RCSD1: variants seen among roughly 807,000 people sequenced by gnomAD.
RCSD1 encodes RCSD domain containing 1.
RCSD1 carries 26 observed loss-of-function variants against 42.5 expected under a neutral mutation model. The observed-to-expected ratio is 0.61, with a 90% CI of 0.45 to 0.85. RCSD1 has a LOEUF of 0.85. Ranked by LOEUF, RCSD1 falls within the 40% of genes least tolerant of loss-of-function variation. RCSD1 has a pLI of 0.00. For missense variants in RCSD1, 571 were observed against 528.3 expected, an observed-to-expected ratio of 1.08 and a Z score of -0.79; for synonymous variants, 220 against 212.2, an observed-to-expected ratio of 1.04 and a Z score of -0.32.
At chr1:167,694,827 A>G (rs796399796) in intron 5 of RCSD1, among the ~76,000 whole-genome samples, 53 of 152,274 alleles carry the variant, frequency 3.5e-4, no homozygotes, top group African/African-American at 1.2e-3. Flanking sequence ...CAAAAATGAC[A>G]TGGCAGGGTG....
At chr1:167,674,271 G>A (rs1016849763) in intron 1 of RCSD1, among the ~76,000 whole-genome samples, 3 of 152,238 alleles carry the variant, frequency 2.0e-5, no homozygotes, top group Non-Finnish European at 2.9e-5. Context: ...TGGGTTGGAA[G>A]AGACTGCTCA....
At chr1:167,685,989 T>C (rs920760731) in intron 3 of RCSD1, among the ~76,000 whole-genome samples, 10 of 152,292 alleles carry the variant, frequency 6.6e-5, no homozygotes, top group African/African-American at 2.4e-4. Flanking sequence ...TCAAGATCAC[T>C]GGAAGAAAAC....
At chr1:167,656,811 T>C (rs1311702632) in intron 1 of RCSD1, among the ~76,000 whole-genome samples, 1 of 152,162 alleles carries the variant, frequency 6.6e-6, no homozygotes, top group African/African-American at 2.4e-5. Context: ...GTCTTGCACA[T>C]TGGGAAGCTC....
intron 4 of RCSD1, among the ~76,000 whole-genome samples, chr1:167,691,194 C>T (rs974145243): frequency 6.6e-6 from 1 of 152,218 alleles, no homozygotes; most frequent in East Asian, 1.9e-4. Flanking sequence ...CAGTAGCACT[C>T]TCCAACAAGT....
intron 4 of RCSD1, 99 bp from the exon 5 acceptor site, chr1:167,693,990 GGTGTTACCTA>G: frequency 1.0e-6 from 1 of 970,602 alleles, no homozygotes; most frequent in Non-Finnish European, 1.6e-6. Flanking sequence ...TGAAAAGCCT[GGTGTTACCTA>G]GTCTCAACCA....
At chr1:167,682,086 G>A (rs1162030916) in intron 1 of RCSD1, among the ~76,000 whole-genome samples, 1 of 152,160 alleles carries the variant, frequency 6.6e-6, no homozygotes, top group Non-Finnish European at 1.5e-5. Context: ...CACAGTAAAG[G>A]GGTACCTGTC....
intron 6 of RCSD1, among the ~76,000 whole-genome samples, chr1:167,701,497 G>C (rs1396550755): frequency 6.6e-6 from 1 of 151,988 alleles, no homozygotes. Flanking sequence ...GTAGAGACAA[G>C]GTTTCACCAT....
chr1:167,667,907 T>TG (rs1658698228), intron 1 of RCSD1, among the ~76,000 whole-genome samples: 1 of 152,182 alleles, frequency 6.6e-6, no homozygotes, highest in Non-Finnish European at 1.5e-5. Flanking sequence ...GTACCTACTA[T>TG]GGGCTAGGGG....
chr1:167,672,434 A>G (rs986591763), intron 1 of RCSD1, among the ~76,000 whole-genome samples: 1 of 152,174 alleles, frequency 6.6e-6, no homozygotes, highest in Non-Finnish European at 1.5e-5. Context: ...ACTAAAATCA[A>G]GTTTTTGGCA....
intron 1 of RCSD1, among the ~76,000 whole-genome samples, chr1:167,672,738 T>A (rs149223667): frequency 6.6e-5 from 10 of 152,342 alleles, no homozygotes; most frequent in Non-Finnish European, 1.3e-4. Context: ...TAATCTAACA[T>A]ATTCACAGGT....
At chr1:167,644,403 C>T (rs1658079481) in intron 1 of RCSD1, among the ~76,000 whole-genome samples, 1 of 152,058 alleles carries the variant, frequency 6.6e-6, no homozygotes, top group South Asian at 2.1e-4. Context: ...TGCTTGAACC[C>T]AGGAGGCAGA....
chr1:167,666,001 G>A (rs1376636144), intron 1 of RCSD1, among the ~76,000 whole-genome samples: 1 of 152,010 alleles, frequency 6.6e-6, no homozygotes, highest in Non-Finnish European at 1.5e-5. Context: ...TAGTCGAGAC[G>A]GGGTTTGGCC....
chr1:167,696,177 G>A (rs1659494056), intron 5 of RCSD1, among the ~76,000 whole-genome samples: 1 of 151,940 alleles, frequency 6.6e-6, no homozygotes, highest in African/African-American at 2.4e-5. Context: ...CCGTCAGCAG[G>A]TCTCTAACCC....
intron 1 of RCSD1, among the ~76,000 whole-genome samples, chr1:167,682,091 C>G (rs930585376): frequency 2.0e-5 from 3 of 152,098 alleles, no homozygotes; most frequent in African/African-American, 7.2e-5. Context: ...TAAAGGGGTA[C>G]CTGTCTTTTC....
chr1:167,655,212 C>T (rs757585990), intron 1 of RCSD1, among the ~76,000 whole-genome samples: 14 of 152,168 alleles, frequency 9.2e-5, no homozygotes, highest in Admixed American at 2.6e-4. Context: ...TGACATCACC[C>T]TTAGGCATCC....
intron 1 of RCSD1, among the ~76,000 whole-genome samples, chr1:167,649,770 C>A (rs771139259): frequency 5.9e-5 from 9 of 152,176 alleles, no homozygotes; most frequent in Non-Finnish European, 1.3e-4. Flanking sequence ...TAAGGCCTAG[C>A]TGACGACTAA....
chr1:167,658,863 G>C (rs777528328), intron 1 of RCSD1, among the ~76,000 whole-genome samples: 1 of 151,970 alleles, frequency 6.6e-6, no homozygotes, highest in Non-Finnish European at 1.5e-5. Context: ...TAGCCCCCAT[G>C]GCTGTGTACG....
chr1:167,696,585 G>A (rs1173879740), intron 5 of RCSD1, among the ~76,000 whole-genome samples: 1 of 151,786 alleles, frequency 6.6e-6, no homozygotes, highest in African/African-American at 2.4e-5. Context: ...CCAAGTAGCT[G>A]GGACCACAGG....
intron 1 of RCSD1, among the ~76,000 whole-genome samples, chr1:167,644,434 G>A (rs1658080542): frequency 6.6e-6 from 1 of 152,018 alleles, no homozygotes; most frequent in Admixed American, 6.6e-5. Flanking sequence ...AGCCAAGATC[G>A]CACCATTGCA....
Sources: allele counts gnomAD v4.1 joint callset (sites outside exome capture counted in the v4.1 genomes callset), GRCh38; gene constraint gnomAD v4.1.1; transcripts MANE v1.5; gene names NCBI Gene and HGNC (gene_info 2026-07-23, HGNC 2026-07-21).